KLF12: variants seen among roughly 807,000 people sequenced by gnomAD.
KLF12 encodes KLF transcription factor 12, also known as Krueppel-like factor 12.
A neutral mutation model predicts 37.8 loss-of-function variants in KLF12; 9 were observed. That is an observed-to-expected ratio of 0.24 (90% CI 0.14 to 0.42). The LOEUF (loss-of-function observed/expected upper bound fraction) is 0.42, where lower values mean the gene tolerates loss of function less well. KLF12 is among the 10% of genes least tolerant of loss of function. The probability of loss-of-function intolerance (pLI) is 1.00; values close to 1 mark genes in which losing one functional copy is unlikely to be tolerated. For synonymous variants in KLF12, 208 were observed against 202.1 expected (o/e 1.03, Z -0.25); for missense variants, 411 against 516.0 (o/e 0.80, Z 1.97).
intron 4 of KLF12, among the ~76,000 whole-genome samples, chr13:73,840,743 G>A (rs1403272680): frequency 1.3e-5 from 2 of 152,070 alleles, no homozygotes; most frequent in Non-Finnish European, 2.9e-5. Flanking sequence ...TGAACCCAGT[G>A]GCTTCCCAAC....
At chr13:73,926,690 T>G (rs919716904) in intron 3 of KLF12, among the ~76,000 whole-genome samples, 1 of 151,598 alleles carries the variant, frequency 6.6e-6, no homozygotes, top group Non-Finnish European at 1.5e-5. Flanking sequence ...TTTTCAGAAC[T>G]AATCAAACTA....
the KLF12 span, among the ~76,000 whole-genome samples, chr13:74,163,499 T>A: frequency 6.6e-6 from 1 of 152,152 alleles, no homozygotes; most frequent in East Asian, 1.9e-4. Context: ...AAACATCTCA[T>A]GTTTTCACTT....
intron 2 of KLF12, among the ~76,000 whole-genome samples, chr13:73,945,425 C>T (rs1298035308): frequency 6.6e-6 from 1 of 152,086 alleles, no homozygotes; most frequent in African/African-American, 2.4e-5. Flanking sequence ...GCCGAGATCA[C>T]GCCATTGCAC....
the KLF12 span, among the ~76,000 whole-genome samples, chr13:74,240,766 A>C: frequency 1.5e-5 from 2 of 132,192 alleles, no homozygotes; most frequent in Non-Finnish European, 3.2e-5. Context: ...TTCTTCACGT[A>C]GTTCTCGAGC....
intron 3 of KLF12, among the ~76,000 whole-genome samples, chr13:73,883,842 G>A (rs769987563): frequency 1.5e-4 from 23 of 152,126 alleles, no homozygotes; most frequent in Non-Finnish European, 2.6e-4. Flanking sequence ...AATTTAGGGT[G>A]ATATGACATT....
intron 3 of KLF12, among the ~76,000 whole-genome samples, chr13:73,852,120 A>G (rs1309111108): frequency 1.3e-5 from 2 of 152,144 alleles, no homozygotes; most frequent in African/African-American, 2.4e-5. Context: ...ATTCTTTTGT[A>G]TTACTAAAAA....
At chr13:73,708,260 T>G (rs1378450867) in intron 7 of KLF12, among the ~76,000 whole-genome samples, 1 of 152,184 alleles carries the variant, frequency 6.6e-6, no homozygotes, top group African/African-American at 2.4e-5. Flanking sequence ...TCATATGAAT[T>G]AAAATGAATA....
chr13:73,811,226 A>T (rs7988928), intron 5 of KLF12, among the ~76,000 whole-genome samples: 51,040 of 151,318 alleles, frequency 0.34, 8,980 homozygotes, highest in East Asian at 0.63. Flanking sequence ...CATCATGATC[A>T]GCCCACCTTG....
chr13:73,756,039 T>C (rs1416771294), intron 6 of KLF12, among the ~76,000 whole-genome samples: 1 of 152,210 alleles, frequency 6.6e-6, no homozygotes, highest in African/African-American at 2.4e-5. Context: ...ATTTTTGCAA[T>C]TGCAAACTGT....
chr13:74,170,231 T>C, the KLF12 span, among the ~76,000 whole-genome samples: 1 of 152,214 alleles, frequency 6.6e-6, no homozygotes, highest in African/African-American at 2.4e-5. Flanking sequence ...ATGGTTTTCA[T>C]GGGAAATAAT....
intron 3 of KLF12, among the ~76,000 whole-genome samples, chr13:73,895,974 C>A (rs564260472): frequency 6.6e-6 from 1 of 152,162 alleles, no homozygotes; most frequent in East Asian, 1.9e-4. Flanking sequence ...CCGCGTGCCA[C>A]CACGCCTGAC....
At chr13:74,280,538 A>C in the KLF12 span, among the ~76,000 whole-genome samples, 1 of 152,256 alleles carries the variant, frequency 6.6e-6, no homozygotes, top group African/African-American at 2.4e-5. Flanking sequence ...CAACTTTGTC[A>C]GTAGTCAGGG....
the KLF12 span, among the ~76,000 whole-genome samples, chr13:74,182,004 GAT>G: frequency 6.6e-6 from 1 of 152,134 alleles, no homozygotes; most frequent in South Asian, 2.1e-4. Flanking sequence ...TTCAGTTAGA[GAT>G]ACATAGCAAA....
the KLF12 span, among the ~76,000 whole-genome samples, chr13:74,245,089 T>A: frequency 2.6e-5 from 4 of 152,244 alleles, no homozygotes; most frequent in African/African-American, 9.6e-5. Flanking sequence ...GAGTACCAGT[T>A]GGATGGCTAG....
intron 6 of KLF12, among the ~76,000 whole-genome samples, chr13:73,745,082 T>C (rs969819642): frequency 2.0e-5 from 3 of 152,230 alleles, no homozygotes; most frequent in Non-Finnish European, 4.4e-5. Flanking sequence ...AAATAACTTA[T>C]TTATTCATTT....
the KLF12 span, chr13:74,258,978 A>T: frequency 6.6e-6 from 1 of 152,288 alleles, no homozygotes; most frequent in African/African-American, 2.4e-5. Context: ...CATGCCCCAG[A>T]GTTGTCCCCC....
Position 73,845,969 on chromosome 13 carries a change from C to A in KLF12, c.528G>T (p.Gln176His), listed in dbSNP as rs755841328. The A allele has an allele frequency of 5.6e-6, 9 of 1,614,028 alleles. No individual in the cohort carries two copies. The highest frequency in any genetic ancestry group is 5.0e-5 in the Admixed American group (3 of 59,984). ...GGTGAACATGACTCAGTTTGTTAGA[C>A]TGTAAATTCATGGGACTTGAAGGCG... The change falls in exon 4 of 8, where the codon CAG becomes CAT. Residue 176 changes from glutamine (Q) to histidine (H), a missense_variant. By Grantham distance (24) the Gln-to-His change is conservative. Around this residue, in one of 2 missense-constraint regions of KLF12, gnomAD observed 351 missense variants for 397.8 expected, o/e 0.88. Coordinates refer to ENST00000377669, the MANE Select transcript of KLF12 (RefSeq NM_007249.5).
intron 2 of KLF12, among the ~76,000 whole-genome samples, chr13:73,976,988 G>GT (rs965351081): frequency 3.3e-5 from 5 of 151,530 alleles, no homozygotes; most frequent in Admixed American, 6.6e-5. Flanking sequence ...TTTAAGAAAA[G>GT]TAAGTGAAAG....
At chr13:74,171,429 A>T in the KLF12 span, among the ~76,000 whole-genome samples, 1 of 152,086 alleles carries the variant, frequency 6.6e-6, no homozygotes, top group Non-Finnish European at 1.5e-5. Context: ...GGACTCTGGA[A>T]CTTCAATTTA....
Sources: gnomAD v4.1 joint callset for allele counts (sites outside exome capture counted in the v4.1 genomes callset) on GRCh38, gnomAD v4.1.1 for gene constraint, gnomAD v4.1.1 regional missense constraint, MANE v1.5 for transcripts, NCBI Gene and HGNC (gene_info 2026-07-23, HGNC 2026-07-21) for gene names.